The following FSTL5 variants were observed in gnomAD, a reference collection of about 807,000 sequenced individuals.
FSTL5 encodes the protein follistatin-related protein 5.
In FSTL5, 62 loss-of-function variants were observed where a neutral mutation model predicts 89.1. The ratio of observed to expected loss-of-function variants is 0.70; its 90% CI spans 0.57 to 0.86. FSTL5 has a LOEUF of 0.86. Among genes scored for constraint, FSTL5 ranks in the 40% least tolerant of loss-of-function variants. FSTL5 has a pLI of 0.00. For synonymous variants in FSTL5, 383 were observed against 346.2 expected (o/e 1.11, Z -1.18); for missense variants, 1,057 against 1,001.6 (o/e 1.06, Z -0.75).
At chr4:161,973,633 A>G (rs1473667572) in intron 3 of FSTL5, among the ~76,000 whole-genome samples, 1 of 152,202 alleles carries the variant, frequency 6.6e-6, no homozygotes, top group Non-Finnish European at 1.5e-5. Context: ...AATGTTCAAA[A>G]TGTAATTCAG....
chr4:161,838,735 A>T (rs941979392), intron 4 of FSTL5, among the ~76,000 whole-genome samples: 1 of 152,140 alleles, frequency 6.6e-6, no homozygotes, highest in Non-Finnish European at 1.5e-5. Flanking sequence ...AGAGAGAGAG[A>T]AACAGTCTGA....
At chr4:161,897,293 A>G (rs540422642) in intron 4 of FSTL5, among the ~76,000 whole-genome samples, 9 of 151,932 alleles carry the variant, frequency 5.9e-5, no homozygotes, top group South Asian at 4.1e-4. Context: ...AATGGTATGT[A>G]TATTTTTGAA....
rs117821094 is a variant in FSTL5, at chr4:161,410,517, A to G, written c.1842-24068T>C. 3.5e-3 allele frequency among the ~76,000 whole-genome samples: 530 copies of G among 152,338 alleles called. 13 individuals carry two copies. The East Asian group carries it at 0.054, about 16-fold the overall frequency. On this transcript the variant is annotated intron_variant, in intron 15 of 15. Transcript: ENST00000306100. ...CAAATTCAAAACAATATAAATTGTA[A>G]CAAGCAAACTCTTGGACCACAGTGA...
At chr4:162,047,205 T>C (rs1042046368) in intron 2 of FSTL5, among the ~76,000 whole-genome samples, 4 of 152,046 alleles carry the variant, frequency 2.6e-5, no homozygotes, top group African/African-American at 9.7e-5. Context: ...ACACAACCTG[T>C]GCTCACCCTG....
At chr4:161,987,235 T>C (rs1735987991) in intron 3 of FSTL5, among the ~76,000 whole-genome samples, 1 of 152,136 alleles carries the variant, frequency 6.6e-6, no homozygotes, top group Non-Finnish European at 1.5e-5. Context: ...ATGACTTTCT[T>C]TCTTATGGCT....
At chr4:161,486,506 T>C (rs563947406) in intron 12 of FSTL5, among the ~76,000 whole-genome samples, 1 of 152,320 alleles carries the variant, frequency 6.6e-6, no homozygotes, top group African/African-American at 2.4e-5. Context: ...ACTGATCTAG[T>C]TAGTAGTTAT....
chr4:161,777,919 C>A (rs190321479), intron 4 of FSTL5, among the ~76,000 whole-genome samples: 121 of 152,144 alleles, frequency 8.0e-4, no homozygotes, highest in African/African-American at 2.6e-3. Context: ...CATGGTGAAA[C>A]CCTGTCTCTA....
At chr4:162,086,006 G>A (rs1730303814) in intron 2 of FSTL5, among the ~76,000 whole-genome samples, 1 of 152,086 alleles carries the variant, frequency 6.6e-6, no homozygotes, top group African/African-American at 2.4e-5. Context: ...ACATGAAGCA[G>A]GTAGTCTCTG....
intron 15 of FSTL5, among the ~76,000 whole-genome samples, chr4:161,401,334 A>G (rs1731171925): frequency 6.6e-6 from 1 of 152,194 alleles, no homozygotes; most frequent in Admixed American, 6.5e-5. Flanking sequence ...AGAAATAGAA[A>G]AGCCAAAGTA....
intron 13 of FSTL5, 30 bp from the exon 14 acceptor site, chr4:161,459,349 T>C (rs367690959): frequency 1.5e-4 from 220 of 1,431,916 alleles, no homozygotes; most frequent in Non-Finnish European, 1.8e-4. Flanking sequence ...AAAAAAATGT[T>C]TTAGACTAAA....
At chr4:162,076,355 C>A (rs753522) in intron 2 of FSTL5, among the ~76,000 whole-genome samples, 3 of 151,822 alleles carry the variant, frequency 2.0e-5, no homozygotes, top group African/African-American at 7.3e-5. Flanking sequence ...CTTTGTATAA[C>A]GCACAGTTGT....
chr4:161,907,626 A>G (rs1192043343), intron 4 of FSTL5, among the ~76,000 whole-genome samples: 1 of 152,094 alleles, frequency 6.6e-6, no homozygotes. Flanking sequence ...TTCTGCATAC[A>G]TGGGTGCTGA....
chr4:161,874,715 C>T (rs1020312816), intron 4 of FSTL5, among the ~76,000 whole-genome samples: 1 of 151,918 alleles, frequency 6.6e-6, no homozygotes, highest in Non-Finnish European at 1.5e-5. Context: ...TTTAAACTGC[C>T]ATTTAACCTT....
intron 10 of FSTL5, among the ~76,000 whole-genome samples, chr4:161,517,739 T>C (rs529819203): frequency 6.6e-6 from 1 of 152,234 alleles, no homozygotes; most frequent in South Asian, 2.1e-4. Flanking sequence ...TAATTTTTTT[T>C]TGCTTGTCCT....
intron 2 of FSTL5, among the ~76,000 whole-genome samples, chr4:162,098,186 T>C (rs1730840314): frequency 6.6e-6 from 1 of 152,012 alleles, no homozygotes; most frequent in Admixed American, 6.6e-5. Flanking sequence ...TGAATCTCAA[T>C]ATTATTCTGA....
intron 4 of FSTL5, among the ~76,000 whole-genome samples, chr4:161,806,961 G>A (rs1422263350): frequency 1.3e-5 from 2 of 152,038 alleles, no homozygotes; most frequent in African/African-American, 4.8e-5. Context: ...AACATGTTTA[G>A]TTATTAATGG....
chr4:161,544,131 TA>T (rs1280899800), intron 8 of FSTL5, among the ~76,000 whole-genome samples: 4 of 151,630 alleles, frequency 2.6e-5, no homozygotes, highest in Non-Finnish European at 4.4e-5. Context: ...ATGAAAAGAT[TA>T]AAAAATTAAA....
intron 5 of FSTL5, among the ~76,000 whole-genome samples, chr4:161,764,981 G>A (rs950828474): frequency 6.6e-6 from 1 of 152,126 alleles, no homozygotes; most frequent in Admixed American, 6.5e-5. Context: ...GCTTTGAGCT[G>A]GGCATATAAC....
At chr4:161,490,103 T>C (rs1729813169) in intron 12 of FSTL5, among the ~76,000 whole-genome samples, 3 of 152,162 alleles carry the variant, frequency 2.0e-5, no homozygotes, top group Admixed American at 1.3e-4. Flanking sequence ...TGAATTCTAG[T>C]TGGATTTAAT....
Sources: allele counts gnomAD v4.1 joint callset (sites outside exome capture counted in the v4.1 genomes callset), GRCh38; gene constraint gnomAD v4.1.1; transcripts MANE v1.5; gene names NCBI Gene and HGNC (gene_info 2026-07-23, HGNC 2026-07-21).